PCDHGA3: variants seen among roughly 807,000 people sequenced by gnomAD.
PCDHGA3 encodes the protein protocadherin gamma subfamily A, 3, also known as protocadherin gamma-A3.
PCDHGA3 carries 40 observed loss-of-function variants against 58.5 expected under a neutral mutation model. The ratio of observed to expected loss-of-function variants is 0.68; its 90% CI spans 0.53 to 0.89. The LOEUF (loss-of-function observed/expected upper bound fraction) is 0.89. Ranked by LOEUF, PCDHGA3 falls within the 40% of genes least tolerant of loss-of-function variation. The probability of loss-of-function intolerance (pLI) is 0.00; values close to 1 mark genes in which losing one functional copy is unlikely to be tolerated. For missense variants in PCDHGA3, 1,223 were observed against 1,195.9 expected, an observed-to-expected ratio of 1.02 and a Z score of -0.33; for synonymous variants, 530 against 525.7, an observed-to-expected ratio of 1.01 and a Z score of -0.11.
intron 1 of PCDHGA3, chr5:141,359,898 A>G: frequency 2.5e-6 from 1 of 399,476 alleles, no homozygotes; most frequent in Admixed American, 4.1e-5. Context: ...AAATATTGAC[A>G]AGCCATTAGT....
chr5:141,393,731 T>C (rs1268576228), intron 1 of PCDHGA3: 1 of 1,613,754 alleles, frequency 6.2e-7, no homozygotes, highest in Non-Finnish European at 8.5e-7. Context: ...TAGCAAAAAG[T>C]CTAGATTATG....
intron 1 of PCDHGA3, among the ~76,000 whole-genome samples, chr5:141,481,245 T>C (rs1362728826): frequency 6.6e-6 from 1 of 152,194 alleles, no homozygotes; most frequent in East Asian, 1.9e-4. Context: ...TTACATAGCA[T>C]AGCTCTAAAA....
At chr5:141,362,229 G>A (rs900469098) in intron 1 of PCDHGA3, 22 of 1,613,912 alleles carry the variant, frequency 1.4e-5, no homozygotes, top group Non-Finnish European at 1.9e-5. Flanking sequence ...CCTTGGCCTT[G>A]ATCTCAGTGC....
rs373516334 is a variant in PCDHGA3 at position 141,414,175 on chromosome 5, A to G, written c.2424+67718A>G. On this transcript the variant is annotated intron_variant, in intron 1 of 3. Transcript: ENST00000253812. ...AGAAGATGGAGGAGCATATCTTGCA[A>G]CTGCAAAAGTGTTGATTACAGTAGA... 1.6e-5 allele frequency: 25 copies of G among 1,607,698 alleles called. No homozygotes were observed. The highest frequency in any genetic ancestry group is 1.3e-4 in the South Asian group (12 of 90,242).
At chr5:141,424,762 A>T (rs1002777641) in intron 1 of PCDHGA3, 8 of 152,124 alleles carry the variant, frequency 5.3e-5, no homozygotes, top group African/African-American at 1.9e-4. Context: ...GGTCATTCTT[A>T]TGGCAAATAG....
intron 1 of PCDHGA3, chr5:141,355,063 C>A (rs902736924): frequency 9.1e-6 from 12 of 1,314,416 alleles, no homozygotes; most frequent in Admixed American, 2.9e-5. Flanking sequence ...GGCTCTGGAG[C>A]TTTATGAAAG....
intron 1 of PCDHGA3, chr5:141,403,588 C>CGGTG (rs773103981): frequency 1.2e-6 from 2 of 1,613,904 alleles, no homozygotes; most frequent in East Asian, 2.2e-5. Flanking sequence ...ACCTGGTCCT[C>CGGTG]ACGGCCTCGG....
chr5:141,393,894 C>G lies in PCDHGA3; in HGVS notation c.2424+47437C>G, dbSNP rs201697840. 1.3e-3 allele frequency: 2,063 copies of G among 1,614,000 alleles called. 4 individuals are homozygous for G. Among genetic ancestry groups the G allele is most frequent in the Non-Finnish European group, 1.6e-3 (1,902 of 1,179,890 alleles). On this transcript the variant is annotated intron_variant, in intron 1 of 3. Transcript: ENST00000253812. ...GTTTAGCCCAGTGTTAGAAAATTCT[C>G]TTCCCGGGACAGTAATTGCCTTCTT...
chr5:141,442,485 G>A (rs1000683527), intron 1 of PCDHGA3: 2 of 152,248 alleles, frequency 1.3e-5, no homozygotes, highest in Non-Finnish European at 2.9e-5. Flanking sequence ...TGGGGAAGGG[G>A]ATGATTGTGA....
rs759270061 is a variant in PCDHGA3, at chr5:141,372,011, G to A, written c.2424+25554G>A. 4.3e-6 allele frequency: 7 copies of A among 1,613,294 alleles called. No homozygotes were observed. In the South Asian group the frequency reaches 6.6e-5, roughly 15 times the overall value. On this transcript the variant is annotated intron_variant, in intron 1 of 3. Transcript: ENST00000253812. Reference sequence around the variant, plus strand: ...CTCTGCAGGCCCGCGACCAGGGCTCGCCTACGCTCAGCGCCAACGTGAGCC... The same window carrying A: ...CTCTGCAGGCCCGCGACCAGGGCTCACCTACGCTCAGCGCCAACGTGAGCC...
At chr5:141,413,086 A>T in intron 1 of PCDHGA3, 1 of 1,344,152 alleles carries the variant, frequency 7.4e-7, no homozygotes, top group Non-Finnish European at 1.0e-6. Flanking sequence ...GGCTACAGAG[A>T]CACCCTGAAG....
chr5:141,420,960 T>C, intron 1 of PCDHGA3: 1 of 425,378 alleles, frequency 2.4e-6, no homozygotes, highest in East Asian at 3.9e-5. Context: ...TCTTAGTCGT[T>C]GCAATAATAA....
chr5:141,499,921 C>A, intron 2 of PCDHGA3, among the ~76,000 whole-genome samples: 1 of 152,128 alleles, frequency 6.6e-6, no homozygotes, highest in Middle Eastern at 3.2e-3. Context: ...CTCCTGGCCT[C>A]AAGTGATCCA....
intron 1 of PCDHGA3, among the ~76,000 whole-genome samples, chr5:141,494,382 G>C (rs1311387598): frequency 6.6e-6 from 1 of 152,182 alleles, no homozygotes; most frequent in Non-Finnish European, 1.5e-5. Flanking sequence ...CCCAGCTGAG[G>C]AGTTGAATAA....
chr5:141,382,887 A>T (rs1778529404), intron 1 of PCDHGA3: 1 of 1,530,424 alleles, frequency 6.5e-7, no homozygotes, highest in Non-Finnish European at 8.8e-7. Context: ...TAAGCAAGAG[A>T]AGCAGGACGA....
In PCDHGA3 at chr5:141,494,634, T is replaced by C. The variant is rs917243803; in HGVS notation, c.2425-173T>C. The C allele has an allele frequency of 1.1e-5, 10 of 889,216 alleles. No individual in the cohort carries two copies. In the African/African-American group the frequency reaches 1.8e-4, roughly 16 times the overall value. 55.1% of individuals were successfully genotyped at this position (889,216 alleles called of 1,614,324 possible). A position where few individuals can be genotyped will look rare whatever the true frequency, so the allele number is the denominator to read the frequency against. On this transcript the variant is annotated intron_variant, in intron 1 of 3. Coordinates refer to ENST00000253812, the MANE Select transcript of PCDHGA3 (RefSeq NM_018916.4). ...CTTGGTTTCTGGTACCTCAGACCTC[T>C]GAGACCTGAGGTGTATTTTGTCTTT...
At chr5:141,367,112 C>A in intron 1 of PCDHGA3, 1 of 221,126 alleles carries the variant, frequency 4.5e-6, no homozygotes. Context: ...GCCTAGACAC[C>A]ATTAGTGAAT....
intron 1 of PCDHGA3, among the ~76,000 whole-genome samples, chr5:141,492,095 CT>C (rs1047956109): frequency 6.6e-6 from 1 of 152,232 alleles, no homozygotes; most frequent in African/African-American, 2.4e-5. Context: ...CTTCGCCGGT[CT>C]GTAGATTTCC....
chr5:141,400,363 T>C (rs1271706599), intron 1 of PCDHGA3: 1 of 1,613,958 alleles, frequency 6.2e-7, no homozygotes, highest in Non-Finnish European at 8.5e-7. Flanking sequence ...GACTTTGCCT[T>C]ATTCCTACAA....
Sources: allele counts gnomAD v4.1 joint callset (sites outside exome capture counted in the v4.1 genomes callset), GRCh38; gene constraint gnomAD v4.1.1; transcripts MANE v1.5; gene names NCBI Gene and HGNC (gene_info 2026-07-23, HGNC 2026-07-21).